The following AGO3 variants were observed in gnomAD, a reference collection of about 807,000 sequenced individuals.
AGO3 encodes argonaute RISC catalytic component 3.
In AGO3, 16 loss-of-function variants were observed where a neutral mutation model predicts 105.5. The ratio of observed to expected loss-of-function variants is 0.15; its 90% CI spans 0.10 to 0.23. The LOEUF is 0.23. AGO3 is among the 10% of genes least tolerant of loss of function. The pLI is 1.00. For missense variants in AGO3, 534 were observed against 1,088.0 expected, an observed-to-expected ratio of 0.49 and a Z score of 7.16; for synonymous variants, 340 against 367.3, an observed-to-expected ratio of 0.93 and a Z score of 0.85.
At chr1:35,936,592 G>A (rs888718974) in intron 1 of AGO3, among the ~76,000 whole-genome samples, 1 of 152,146 alleles carries the variant, frequency 6.6e-6, no homozygotes, top group East Asian at 1.9e-4. Flanking sequence ...AGAGTGCTGG[G>A]ATTACAGGCA....
chr1:35,993,678 A>G (rs562873550), intron 5 of AGO3, among the ~76,000 whole-genome samples: 1 of 151,396 alleles, frequency 6.6e-6, no homozygotes, highest in African/African-American at 2.4e-5. Flanking sequence ...GAAAAATAAC[A>G]TCAATCTTTC....
At chr1:36,021,616 G>A (rs1002036709) in intron 11 of AGO3, among the ~76,000 whole-genome samples, 10 of 152,026 alleles carry the variant, frequency 6.6e-5, no homozygotes, top group Non-Finnish European at 1.2e-4. Flanking sequence ...ACATCCCAAA[G>A]TTAATTTGAG....
Position 35,931,273 on chromosome 1 carries a change from C to G in AGO3, c.-154C>G, listed in dbSNP as rs1407841815. ...CGCGACTCTTCCGGCCCAGAGCTTT[C>G]GGAGTGCGGTTGCTCAGGGGAAGCC... On this transcript the variant is annotated 5_prime_UTR_variant, in exon 1 of 19. Coordinates refer to ENST00000373191, the MANE Select transcript of AGO3 (RefSeq NM_024852.4). The G allele has an allele frequency of 2.2e-5, 12 of 541,284 alleles. No homozygotes were observed. The highest frequency in any genetic ancestry group is 3.7e-5 in the Non-Finnish European group (12 of 325,052). The allele number at this position is 541,284 out of a possible 1,614,324, so 33.5% of individuals were successfully genotyped here. A position where few individuals can be genotyped will look rare whatever the true frequency, so the allele number is the denominator to read the frequency against.
In AGO3 at chr1:36,007,302, A is replaced by C. The variant is rs534886165; in HGVS notation, c.794-1388A>C. Among the ~76,000 whole-genome samples, 131 of 152,332 alleles carry C rather than the reference A, an allele frequency of 8.6e-4. 1 individual carries two copies. The highest frequency in any genetic ancestry group is 3.1e-3 in the African/African-American group (129 of 41,578). On this transcript the variant is annotated intron_variant, in intron 6 of 18. Coordinates refer to ENST00000373191, the MANE Select transcript of AGO3 (RefSeq NM_024852.4). Reference sequence around the variant, plus strand: ...ACTTTATCCCTTGGAGTCTAGGCCAAACTTTAGAAAGGAGTTGCTTATCTG... The same window carrying C: ...ACTTTATCCCTTGGAGTCTAGGCCACACTTTAGAAAGGAGTTGCTTATCTG...
chr1:36,047,503 A>G (rs74949039), intron 17 of AGO3, among the ~76,000 whole-genome samples: 2,323 of 152,182 alleles, frequency 0.015, 48 homozygotes, highest in African/African-American at 0.053. Flanking sequence ...GAGACTTATG[A>G]AACACCAGTA....
At chr1:35,950,274 C>G (rs1646446851) in intron 2 of AGO3, among the ~76,000 whole-genome samples, 1 of 152,044 alleles carries the variant, frequency 6.6e-6, no homozygotes, top group African/African-American at 2.4e-5. Context: ...TGATTCTCCT[C>G]TAAGTGACTT....
rs1642920235 is a variant in AGO3 at position 36,056,426 on chromosome 1, G to A, written c.*681G>A. On this transcript the variant is annotated 3_prime_UTR_variant, in exon 19 of 19. Coordinates refer to ENST00000373191, the MANE Select transcript of AGO3 (RefSeq NM_024852.4). Reference sequence around the variant, plus strand: ...CTACCAGTGACATTCAAATGTTGATGTATCTGGTTCGTTTGAATATAAAAT... The same window carrying A: ...CTACCAGTGACATTCAAATGTTGATATATCTGGTTCGTTTGAATATAAAAT... 6.6e-6 allele frequency: 1 copy of A among 151,960 alleles called. No individual in the cohort carries two copies. The highest frequency in any genetic ancestry group is 6.6e-5 in the Admixed American group (1 of 15,246). 9.4% of individuals were successfully genotyped at this position (151,960 alleles called of 1,614,324 possible). A position where few individuals can be genotyped will look rare whatever the true frequency, so the allele number is the denominator to read the frequency against.
chr1:35,965,427 T>G (rs1274718281), intron 2 of AGO3, among the ~76,000 whole-genome samples: 2 of 139,352 alleles, frequency 1.4e-5, no homozygotes, highest in African/African-American at 2.7e-5. Context: ...GAGGCGGAGG[T>G]AGCAGTGAGC....
chr1:36,041,746 T>C (rs746613867), intron 16 of AGO3, among the ~76,000 whole-genome samples: 106 of 152,170 alleles, frequency 7.0e-4, no homozygotes, highest in Non-Finnish European at 1.4e-3. Context: ...CTGTATTCCT[T>C]TGGGCAAGCA....
intron 2 of AGO3, among the ~76,000 whole-genome samples, chr1:35,965,263 G>T (rs544817253): frequency 6.6e-6 from 1 of 151,864 alleles, no homozygotes; most frequent in African/African-American, 2.4e-5. Context: ...AGGCCGAGGC[G>T]GGCGGATCAC....
At chr1:36,045,620 G>A (rs1056230607) in intron 17 of AGO3, among the ~76,000 whole-genome samples, 1 of 151,662 alleles carries the variant, frequency 6.6e-6, no homozygotes, top group Non-Finnish European at 1.5e-5. Context: ...TCAGCTCACT[G>A]CAATCTCCAC....
chr1:36,043,345 G>A (rs1642328731), intron 16 of AGO3, 102 bp from the exon 17 acceptor site: 2 of 859,874 alleles, frequency 2.3e-6, no homozygotes, highest in Admixed American at 4.7e-5. Flanking sequence ...TGAAAGTAGT[G>A]AAATGTAGGA....
intron 11 of AGO3, among the ~76,000 whole-genome samples, chr1:36,020,474 T>C (rs1270768465): frequency 6.6e-6 from 1 of 152,190 alleles, no homozygotes; most frequent in East Asian, 1.9e-4. Flanking sequence ...GTCCAAACGA[T>C]ATGATCCTAA....
intron 12 of AGO3, among the ~76,000 whole-genome samples, chr1:36,028,391 T>TCCCCCCCCCCC (rs771926822): frequency 4.0e-4 from 23 of 57,156 alleles, no homozygotes; most frequent in Non-Finnish European, 6.2e-4. Context: ...ATGCTATCCC[T>TCCCCCCCCCCC]CCCCCCCCCC....
chr1:35,986,156 G>C (rs929260842), intron 5 of AGO3, among the ~76,000 whole-genome samples: 1 of 152,164 alleles, frequency 6.6e-6, no homozygotes, highest in East Asian at 1.9e-4. Context: ...ACCCCGGAGA[G>C]CAATTCTCAA....
In AGO3 at chr1:36,055,293, T is replaced by C. The variant is rs1255599625; in HGVS notation, c.2474+148T>C. ...CTGCCCAAGGTTTCCTATTGAAATATATTGTCTAGGCTCATTAGTAATAGA... is the reference window on the plus strand; with the variant it reads ...CTGCCCAAGGTTTCCTATTGAAATACATTGTCTAGGCTCATTAGTAATAGA... On this transcript the variant is annotated intron_variant, in intron 18 of 18. Transcript: ENST00000373191. This position sits in a 1 kb window ranked among gnomAD's most constrained non-coding sequence, Gnocchi z 4.4. 2.5e-6 allele frequency: 2 copies of C among 797,596 alleles called. No individual in the cohort carries two copies. Among genetic ancestry groups the C allele is most frequent in the Non-Finnish European group, 2.0e-6 (1 of 504,984 alleles). 49.4% of individuals were successfully genotyped at this position (797,596 alleles called of 1,614,324 possible). A position where few individuals can be genotyped will look rare whatever the true frequency, so the allele number is the denominator to read the frequency against.
intron 3 of AGO3, among the ~76,000 whole-genome samples, chr1:35,971,752 C>T (rs971875781): frequency 6.6e-6 from 1 of 151,918 alleles, no homozygotes; most frequent in African/African-American, 2.4e-5. Context: ...AAATTTATTC[C>T]ATGGCAGTTT....
intron 5 of AGO3, among the ~76,000 whole-genome samples, chr1:35,995,125 C>T (rs369479583): frequency 1.5e-4 from 22 of 150,260 alleles, no homozygotes; most frequent in East Asian, 1.2e-3. Flanking sequence ...TGCTTGAACC[C>T]GGGAAGCAGA....
chr1:35,992,602 T>G (rs1230874495), intron 5 of AGO3, among the ~76,000 whole-genome samples: 1 of 152,244 alleles, frequency 6.6e-6, no homozygotes, highest in Non-Finnish European at 1.5e-5. Flanking sequence ...TCTGCCATCT[T>G]AACCCAGAAT....
Sources: gnomAD v4.1 joint callset for allele counts (sites outside exome capture counted in the v4.1 genomes callset) on GRCh38, gnomAD v4.1.1 for gene constraint, Gnocchi (gnomAD v3.1) non-coding constraint, MANE v1.5 for transcripts, NCBI Gene and HGNC (gene_info 2026-07-23, HGNC 2026-07-21) for gene names.